Variants in INTS4 observed in about 807,000 individuals in gnomAD.
INTS4 encodes MSTP093.
Under a neutral mutation model 119.5 loss-of-function variants are expected in INTS4, and 70 were observed. The ratio of observed to expected loss-of-function variants is 0.59; its 90% CI spans 0.48 to 0.71. INTS4 has a LOEUF of 0.71. Among genes scored for constraint, INTS4 ranks in the 30% least tolerant of loss-of-function variants. The pLI is 0.00. For synonymous variants in INTS4, 316 were observed against 419.6 expected (o/e 0.75, Z 3.02); for missense variants, 867 against 1,173.2 (o/e 0.74, Z 3.81).
chr11:77,933,789 C>G lies in INTS4; in HGVS notation c.1165+4862G>C, dbSNP rs1482106995. On this transcript the variant is annotated intron_variant, in intron 10 of 22. Transcript: ENST00000534064. ...GTCTGGGAAGTGAGGAGCGTCTCCG[C>G]CCGGCAGCCGCCCCGTCCGGGAGGT... Among the ~76,000 whole-genome samples the G allele has an allele frequency of 3.3e-5, 5 of 152,096 alleles. No homozygotes were observed. The East Asian group carries it at 9.7e-4, about 30-fold the overall frequency.
At chr11:77,980,842 A>G (rs1292127037) in intron 3 of INTS4, among the ~76,000 whole-genome samples, 1 of 152,076 alleles carries the variant, frequency 6.6e-6, no homozygotes, top group African/African-American at 2.4e-5. Flanking sequence ...TACAAAAAAA[A>G]TCAGCCAGGG....
chr11:77,960,536 C>G, intron 5 of INTS4, 145 bp from the exon 6 acceptor site: 1 of 553,754 alleles, frequency 1.8e-6, no homozygotes, highest in South Asian at 3.2e-5. Flanking sequence ...AAATAAGAAA[C>G]CTTGTCGTCT....
intron 14 of INTS4, among the ~76,000 whole-genome samples, chr11:77,920,244 TA>T (rs1953320015): frequency 1.4e-5 from 1 of 71,380 alleles, no homozygotes; most frequent in Admixed American, 1.4e-4. Flanking sequence ...TATATACATA[TA>T]TATACATATA....
intron 10 of INTS4, among the ~76,000 whole-genome samples, chr11:77,937,843 A>C (rs1398931498): frequency 1.3e-5 from 1 of 75,338 alleles, no homozygotes; most frequent in East Asian, 3.5e-4. Flanking sequence ...TTATTTATTT[A>C]TTTATTTATT....
At chr11:77,966,459 T>G (rs1234344539) in intron 4 of INTS4, among the ~76,000 whole-genome samples, 1 of 152,200 alleles carries the variant, frequency 6.6e-6, no homozygotes, top group African/African-American at 2.4e-5. Flanking sequence ...TTTAATCCAC[T>G]CAGTTCAAGT....
intron 15 of INTS4, among the ~76,000 whole-genome samples, chr11:77,917,791 AG>A (rs1241418839): frequency 2.6e-5 from 4 of 151,768 alleles, no homozygotes; most frequent in Non-Finnish European, 5.9e-5. Context: ...GGCCATTTTG[AG>A]GAAGGTCTGG....
At chr11:77,966,443 T>C (rs1278041699) in intron 4 of INTS4, among the ~76,000 whole-genome samples, 1 of 152,224 alleles carries the variant, frequency 6.6e-6, no homozygotes, top group African/African-American at 2.4e-5. Context: ...TCGTATGTTT[T>C]AAGTCTTTAA....
Position 77,883,928 on chromosome 11 carries a change from G to C in INTS4, c.2617C>G (p.Gln873Glu). The C allele has an allele frequency of 6.2e-7, 1 of 1,613,306 alleles. No homozygotes were observed. The highest frequency in any genetic ancestry group is 8.5e-7 in the Non-Finnish European group (1 of 1,179,676). ...VQVLYPDGQA[Q>E]MIHPKPADFR... The stretch of plus-strand genomic sequence containing the variant: ...TCTGCAGGCTTGGGGTGAATCATCT[G>C]AGCCTGGCCATCTGGATATAAGACC... The change falls in exon 22 of 23, where the codon CAG becomes GAG. Residue 873 changes from glutamine (Q) to glutamate (E), a missense_variant. Transcript: ENST00000534064.
chr11:77,989,690 G>A (rs1214151971), intron 2 of INTS4, among the ~76,000 whole-genome samples: 4 of 142,620 alleles, frequency 2.8e-5, no homozygotes, highest in Non-Finnish European at 6.0e-5. Flanking sequence ...AGGAATTCGA[G>A]ATCAGCCTGT....
chr11:77,967,614 C>T (rs1855556812), intron 4 of INTS4, among the ~76,000 whole-genome samples: 1 of 152,098 alleles, frequency 6.6e-6, no homozygotes, highest in African/African-American at 2.4e-5. Context: ...GTATCAAACG[C>T]AACATCATGA....
downstream of INTS4, among the ~76,000 whole-genome samples, chr11:77,877,771 TGGGG>T (rs1324921172): frequency 2.6e-5 from 4 of 151,700 alleles, no homozygotes; most frequent in Non-Finnish European, 5.9e-5. Flanking sequence ...TAAACAGAGA[TGGGG>T]TCTCGCTATG....
rs1463372765 is a variant in INTS4 at position 77,882,842 on chromosome 11, G to A, written c.2713+990C>T. Among the ~76,000 whole-genome samples, 6 of 152,160 alleles carry A rather than the reference G, an allele frequency of 3.9e-5. No homozygotes were observed. In the East Asian group the frequency reaches 1.2e-3, roughly 29 times the overall value. ...TCCCACTACTTTGGGAGGCCAAGGC[G>A]GGTGGATCACCTGAGGTCAGGAGTT... On this transcript the variant is annotated intron_variant, in intron 22 of 22. Transcript: ENST00000534064.
chr11:77,888,764 G>A (rs1308312756), intron 21 of INTS4, among the ~76,000 whole-genome samples: 3 of 152,138 alleles, frequency 2.0e-5, no homozygotes, highest in Non-Finnish European at 4.4e-5. Flanking sequence ...AGTGGGCAAA[G>A]GATATGAACA....
intron 10 of INTS4, among the ~76,000 whole-genome samples, chr11:77,933,570 G>A (rs1395585153): frequency 1.3e-5 from 2 of 152,076 alleles, no homozygotes; most frequent in East Asian, 1.9e-4. Flanking sequence ...ATCTCGGCTC[G>A]CTACAACCTC....
intron 4 of INTS4, among the ~76,000 whole-genome samples, chr11:77,972,499 CT>C (rs1855772721): frequency 6.6e-6 from 1 of 151,994 alleles, no homozygotes; most frequent in African/African-American, 2.4e-5. Flanking sequence ...TCACTGCAAC[CT>C]CCGCCTCCCA....
chr11:77,966,974 C>A (rs1488131442), intron 4 of INTS4, among the ~76,000 whole-genome samples: 1 of 152,130 alleles, frequency 6.6e-6, no homozygotes, highest in African/African-American at 2.4e-5. Flanking sequence ...ACTACCAATG[C>A]ACAAGGGTTC....
Position 77,961,063 on chromosome 11 carries a change from T to C in INTS4, c.547A>G (p.Ser183Gly), listed in dbSNP as rs748371287. The change falls in exon 5 of 23, where the codon AGT (serine) becomes GGT (glycine). Residue 183 changes from serine (S) to glycine (G), a missense_variant. Coordinates refer to ENST00000534064, the MANE Select transcript of INTS4 (RefSeq NM_033547.4). ...LLGNLGSLEK[S>G]VTKDAEGLAA... ...AGGCCTTCTGCATCTTTTGTGACAC[T>C]TTTCTCCAAAGAGCCAAGATTGCCA... 8.1e-6 allele frequency: 13 copies of C among 1,613,098 alleles called. No homozygotes were observed.
At chr11:77,991,082 C>T in intron 2 of INTS4, 26 bp downstream of exon 2, 2 of 1,585,132 alleles carry the variant, frequency 1.3e-6, no homozygotes, top group East Asian at 2.2e-5. Context: ...TGATATACTC[C>T]CATCAGATCC....
chr11:77,967,364 G>A (rs1244454723), intron 4 of INTS4, among the ~76,000 whole-genome samples: 2 of 152,104 alleles, frequency 1.3e-5, no homozygotes, highest in African/African-American at 4.8e-5. Context: ...TTGTCTTTAA[G>A]CCAGTTAAAG....
Sources: gnomAD v4.1 joint callset for allele counts (sites outside exome capture counted in the v4.1 genomes callset) on GRCh38, gnomAD v4.1.1 for gene constraint, MANE v1.5 for transcripts, NCBI Gene and HGNC (gene_info 2026-07-23, HGNC 2026-07-21) for gene names.